The following CARD16 variants were observed in gnomAD, a reference collection of about 807,000 sequenced individuals.
CARD16 encodes caspase recruitment domain-containing protein 16.
CARD16 carries 8 observed loss-of-function variants against 11.9 expected under a neutral mutation model. The ratio of observed to expected loss-of-function variants is 0.67; its 90% CI spans 0.39 to 1.21. The LOEUF (loss-of-function observed/expected upper bound fraction) is 1.21. Ranked by LOEUF, CARD16 falls within the 50% of genes most tolerant of loss-of-function variation. The probability of loss-of-function intolerance (pLI) is 0.01; values close to 1 mark genes in which losing one functional copy is unlikely to be tolerated. For synonymous variants in CARD16, 44 were observed against 43.8 expected (o/e 1.00, Z -0.02); for missense variants, 131 against 118.1 (o/e 1.11, Z -0.51).
Position 105,041,722 on chromosome 11 carries a change from G to T in CARD16, c.*44-3C>A, listed in dbSNP as rs759490438. On this transcript the variant is annotated splice_polypyrimidine_tract_variant and splice_region_variant and intron_variant, in intron 3 of 3. Transcript: ENST00000673097. ...GTTGTCCTGCACTGCCTGAAGAGCTGCAAGAGACAAGGAATATCATGAACA... is the reference window on the plus strand; with the variant it reads ...GTTGTCCTGCACTGCCTGAAGAGCTTCAAGAGACAAGGAATATCATGAACA... 6.2e-7 allele frequency: 1 copy of T among 1,613,266 alleles called. No individual in the cohort carries two copies. Among genetic ancestry groups the T allele is most frequent in the East Asian group, 2.2e-5 (1 of 44,856 alleles).
At position 105,045,207 on chromosome 11, in the gene CARD16, A is replaced by G. The variant is rs372547357; in HGVS notation, c.7+84T>C. 588 of 1,586,940 alleles carry G rather than the reference A, an allele frequency of 3.7e-4. 2 individuals are homozygous for G. The Middle Eastern group carries it at 3.7e-3, about 10-fold the overall frequency. On this transcript the variant is annotated intron_variant, in intron 1 of 3. Transcript: ENST00000673097. ...TCTGCTCACCTAAACTTCCACAGAT[A>G]CTAATTATGGCTTCCAGAAGAGCCA...
chr11:105,043,213 G>C (rs78543105), intron 3 of CARD16, among the ~76,000 whole-genome samples: 1 of 152,162 alleles, frequency 6.6e-6, no homozygotes, highest in Non-Finnish European at 1.5e-5. Flanking sequence ...TGGAAGATGT[G>C]AGGGAATATT....
intron 1 of CARD16, 92 bp downstream of exon 1, chr11:105,045,199 C>G: frequency 6.3e-7 from 1 of 1,576,272 alleles, no homozygotes; most frequent in Non-Finnish European, 8.7e-7. Flanking sequence ...ACCTAAACTT[C>G]CACAGATACT....
intron 2 of CARD16, chr11:105,043,773 T>C (rs992216617): frequency 2.2e-6 from 1 of 455,884 alleles, no homozygotes. Flanking sequence ...CTAGGAGGGC[T>C]GCAGATGATG....
chr11:105,044,144 A>G, intron 2 of CARD16: 3 of 601,364 alleles, frequency 5.0e-6, no homozygotes, highest in Non-Finnish European at 8.7e-6. Context: ...GATAGTTCTC[A>G]TGACCTTAAG....
intron 1 of CARD16, 75 bp from the exon 2 acceptor site, chr11:105,044,733 C>G (rs1035087958): frequency 6.4e-7 from 1 of 1,570,202 alleles, no homozygotes; most frequent in Admixed American, 1.8e-5. Context: ...CAGAAAGTGA[C>G]CTCATTTAGA....
intron 1 of CARD16, chr11:105,045,013 G>T: frequency 1.6e-6 from 1 of 606,688 alleles, no homozygotes. Context: ...TGCCAATTCT[G>T]TACCCTCTGT....
chr11:105,044,919 T>A (rs1347020298), intron 1 of CARD16: 29 of 644,188 alleles, frequency 4.5e-5, no homozygotes, highest in Non-Finnish European at 7.1e-5. Flanking sequence ...TTGTGTCCCA[T>A]GTTTATTTAA....
chr11:105,044,468 T>G lies in CARD16; in HGVS notation c.198A>C (p.Ala66=). 1 of 1,614,152 alleles carries G rather than the reference T, an allele frequency of 6.2e-7. No individual in the cohort carries two copies. The highest frequency in any genetic ancestry group is 8.5e-7 in the Non-Finnish European group (1 of 1,180,004). The change falls in exon 2 of 4, where the codon GCA becomes GCC. Residue 66 remains alanine (A), a synonymous_variant. Transcript: ENST00000673097. ...ALIDSVIPKG[A]QACQICITYI... The stretch of plus-strand genomic sequence containing the variant: ...ATGTGATGCAAATTTGGCATGCCTG[T>G]GCCCCTTTCGGAATAACGGAGTCAA...
At chr11:105,043,637 C>A in intron 2 of CARD16, 92 bp from the exon 3 acceptor site, 1 of 830,094 alleles carries the variant, frequency 1.2e-6, no homozygotes, top group Non-Finnish European at 2.1e-6. Context: ...GCAAATTCCT[C>A]CCACAACCCT....
chr11:105,043,464 C>T lies in CARD16; in HGVS notation c.*43+19G>A. ...AAGATGGGGTTCAAAGAATGCTCTT[C>T]ATTGAAAAACAACATTACCTGGGAA... is the stretch of plus-strand genomic sequence containing the variant. On this transcript the variant is annotated intron_variant, in intron 3 of 3. Transcript: ENST00000673097. The T allele has an allele frequency of 3.2e-6, 5 of 1,570,298 alleles. 1 individual carries two copies. The South Asian group carries it at 5.6e-5, about 18-fold the overall frequency.
chr11:105,044,246 A>T lies in CARD16; in HGVS notation c.274+146T>A. ...GGAACACAAAAAAGAGTCAAGGGAC[A>T]TGCAATAGGGCCTCTGCTACAGAAA... On this transcript the variant is annotated intron_variant, in intron 2 of 3. Transcript: ENST00000673097. 3 of 1,311,058 alleles carry T rather than the reference A, an allele frequency of 2.3e-6. No homozygotes were observed. The Admixed American group carries it at 6.4e-5, about 28-fold the overall frequency. The allele number at this position is 1,311,058 out of a possible 1,614,324, so 81.2% of individuals were successfully genotyped here.
intron 3 of CARD16, 121 bp from the exon 4 acceptor site, chr11:105,041,840 A>G (rs1406332524): frequency 2.1e-6 from 2 of 933,456 alleles, no homozygotes; most frequent in Non-Finnish European, 3.2e-6. Flanking sequence ...TCTAGTCATT[A>G]ACATAGTTGA....
At chr11:105,042,071 C>T (rs1864121788) in intron 3 of CARD16, among the ~76,000 whole-genome samples, 1 of 152,046 alleles carries the variant, frequency 6.6e-6, no homozygotes, top group Non-Finnish European at 1.5e-5. Flanking sequence ...GGATTCAAAC[C>T]CTAGGATAAA....
At position 105,044,648 on chromosome 11, in the gene CARD16, C is replaced by G. The variant is rs372644441; in HGVS notation, c.18G>C (p.Leu6=). Residue 6 remains leucine, a synonymous_variant, in exon 2 of 4, where the codon CTG becomes CTC. Coordinates refer to ENST00000673097, the MANE Select transcript of CARD16 (RefSeq NM_052889.4). ...GGATAAACAGCTTTCTCTTCTCCTTCAGGACCTTGTCTGTTTGGAGCACAA... is the reference window on the plus strand; with the variant it reads ...GGATAAACAGCTTTCTCTTCTCCTTGAGGACCTTGTCTGTTTGGAGCACAA... The part of the protein sequence containing the change: MADKV[L]KEKRKLFIHS... 6.8e-6 allele frequency: 11 copies of G among 1,613,948 alleles called. No individual in the cohort carries two copies. Among genetic ancestry groups the G allele is most frequent in the Non-Finnish European group, 9.3e-6 (11 of 1,179,936 alleles).
chr11:105,041,627 T>G lies in CARD16; in HGVS notation c.*136A>C. On this transcript the variant is annotated 3_prime_UTR_variant, in exon 4 of 4. Transcript: ENST00000673097. ...CACCTCTGCAACTTTTGTTTCCATA[T>G]CCTTTGAGCGTCTTCTAGAAAGCAA... 1 of 1,614,118 alleles carries G rather than the reference T, an allele frequency of 6.2e-7. No individual in the cohort carries two copies.
intron 3 of CARD16, 135 bp from the exon 4 acceptor site, chr11:105,041,854 C>T (rs1036038302): frequency 4.6e-5 from 37 of 800,552 alleles, no homozygotes; most frequent in African/African-American, 1.4e-4. Flanking sequence ...TAGTTGAGTG[C>T]GTTTGCTGCT....
intron 1 of CARD16, 134 bp from the exon 2 acceptor site, chr11:105,044,792 T>A: frequency 6.8e-7 from 1 of 1,464,346 alleles, no homozygotes; most frequent in Non-Finnish European, 9.2e-7. Flanking sequence ...ATCCCTCTTC[T>A]TACTGTATTG....
At chr11:105,043,588 C>A in intron 2 of CARD16, 43 bp from the exon 3 acceptor site, 1 of 1,451,886 alleles carries the variant, frequency 6.9e-7, no homozygotes, top group South Asian at 1.1e-5. Flanking sequence ...CTTATCATCT[C>A]TGGAAAACTT....
Sources: gnomAD v4.1 joint callset for allele counts (sites outside exome capture counted in the v4.1 genomes callset) on GRCh38, gnomAD v4.1.1 for gene constraint, MANE v1.5 for transcripts, NCBI Gene and HGNC (gene_info 2026-07-23, HGNC 2026-07-21) for gene names.